DPP10: variants seen among roughly 807,000 people sequenced by gnomAD.
DPP10 encodes the protein dipeptidyl peptidase like 10, also known as inactive dipeptidyl peptidase 10.
DPP10 carries 33 observed loss-of-function variants against 120.9 expected under a neutral mutation model. The ratio of observed to expected loss-of-function variants is 0.27; its 90% CI spans 0.21 to 0.37. DPP10 has a LOEUF of 0.37. DPP10 is among the 10% of genes least tolerant of loss of function. The pLI is 1.00. For missense variants in DPP10, 816 were observed against 942.8 expected (o/e 0.87, Z 1.76); for synonymous variants, 337 against 326.1 (o/e 1.03, Z -0.36).
chr2:114,555,194 G>C (rs1688190701), intron 1 of DPP10, among the ~76,000 whole-genome samples: 2 of 152,282 alleles, frequency 1.3e-5, no homozygotes, highest in African/African-American at 2.4e-5. Flanking sequence ...ATGTGTTTCT[G>C]TGTGCAGCCC....
chr2:115,392,968 T>G (rs1025292907), intron 3 of DPP10, among the ~76,000 whole-genome samples: 3 of 152,208 alleles, frequency 2.0e-5, no homozygotes, highest in Admixed American at 6.5e-5. Flanking sequence ...ATTTGCATAT[T>G]TATATTGAAT....
rs188691234 is a variant in DPP10, at chr2:115,515,451, G to T, written c.367-10447G>T. Among the ~76,000 whole-genome samples, 245 of 152,138 alleles carry T rather than the reference G, an allele frequency of 1.6e-3. 1 individual carries two copies. Among genetic ancestry groups the T allele is most frequent in the African/African-American group, 5.2e-3 (216 of 41,540 alleles). On this transcript the variant is annotated intron_variant, in intron 4 of 25. Transcript: ENST00000410059. The stretch of plus-strand genomic sequence containing the variant: ...TTGATTTACAATGATTTAATTATGA[G>T]AGAGGTTGAGAATCATCTTTTTATA...
rs563108238 is a variant in DPP10, at chr2:114,897,834, A to G, written c.61-411405A>G. On this transcript the variant is annotated intron_variant, in intron 1 of 25. Coordinates refer to ENST00000410059, the MANE Select transcript of DPP10 (RefSeq NM_020868.6). ...CACCAGTTAGAATGGCAATCATTAAAAAGTCAGGAAACAACAGGTGCTGGA... is the reference window on the plus strand; with the variant it reads ...CACCAGTTAGAATGGCAATCATTAAGAAGTCAGGAAACAACAGGTGCTGGA... Among the ~76,000 whole-genome samples the G allele has an allele frequency of 1.5e-3, 221 of 152,212 alleles. 2 individuals carry two copies. The highest frequency in any genetic ancestry group is 5.1e-3 in the African/African-American group (210 of 41,544).
At chr2:115,206,836 C>G (rs898499292) in intron 1 of DPP10, among the ~76,000 whole-genome samples, 1 of 152,128 alleles carries the variant, frequency 6.6e-6, no homozygotes, top group Non-Finnish European at 1.5e-5. Context: ...TGCTATTTGT[C>G]CAATCTAGAT....
intron 1 of DPP10, among the ~76,000 whole-genome samples, chr2:114,869,035 A>C (rs943654210): frequency 2.6e-5 from 4 of 152,200 alleles, no homozygotes; most frequent in Non-Finnish European, 5.9e-5. Flanking sequence ...GACAGCACTC[A>C]GTAAGTGAAA....
chr2:115,385,178 A>G (rs1427671092), intron 3 of DPP10, among the ~76,000 whole-genome samples: 1 of 151,652 alleles, frequency 6.6e-6, no homozygotes, highest in Non-Finnish European at 1.5e-5. Flanking sequence ...CACTTTCTCC[A>G]TTTTCTTGTC....
chr2:114,524,707 G>A (rs1310891359), intron 1 of DPP10, among the ~76,000 whole-genome samples: 1 of 152,148 alleles, frequency 6.6e-6, no homozygotes, highest in African/African-American at 2.4e-5. Context: ...GATTTTAGAG[G>A]AAGAGGTGAA....
chr2:115,159,335 G>A lies in DPP10; in HGVS notation c.61-149904G>A, dbSNP rs1008522718. Among the ~76,000 whole-genome samples, 7 of 152,262 alleles carry A rather than the reference G, an allele frequency of 4.6e-5. No homozygotes were observed. In the South Asian group the frequency reaches 1.5e-3, roughly 32 times the overall value. ...TAGCTTGGTGTGGTGGCGCGCGCCT[G>A]TAGTCCCAGCTACTTGGGAGGCTGA... On this transcript the variant is annotated intron_variant, in intron 1 of 25. Coordinates refer to ENST00000410059, the MANE Select transcript of DPP10 (RefSeq NM_020868.6).
At chr2:114,570,523 A>G (rs1035775131) in intron 1 of DPP10, among the ~76,000 whole-genome samples, 1 of 152,170 alleles carries the variant, frequency 6.6e-6, no homozygotes, top group Non-Finnish European at 1.5e-5. Flanking sequence ...TGAAATTATG[A>G]TATGAAAAGT....
chr2:115,822,527 A>G (rs753212919), intron 21 of DPP10, among the ~76,000 whole-genome samples: 12 of 152,168 alleles, frequency 7.9e-5, no homozygotes, highest in Admixed American at 6.5e-4. Flanking sequence ...TATCAAATCT[A>G]TAAATCACCT....
chr2:115,262,073 C>A (rs1224053329), intron 1 of DPP10, among the ~76,000 whole-genome samples: 4 of 152,222 alleles, frequency 2.6e-5, no homozygotes, highest in Non-Finnish European at 5.9e-5. Flanking sequence ...CTACCACATA[C>A]AAATTGCTTT....
At chr2:114,946,823 C>T (rs369875523) in intron 1 of DPP10, among the ~76,000 whole-genome samples, 4 of 151,500 alleles carry the variant, frequency 2.6e-5, no homozygotes, top group Non-Finnish European at 4.4e-5. Flanking sequence ...GGGATGTGTT[C>T]CTTTCTTTCT....
At chr2:114,565,650 T>C (rs2104974696) in intron 1 of DPP10, among the ~76,000 whole-genome samples, 1 of 152,360 alleles carries the variant, frequency 6.6e-6, no homozygotes, top group South Asian at 2.1e-4. Flanking sequence ...TCTGTCCTGG[T>C]GTGGACCTCT....
At chr2:114,494,121 A>AAAAAC (rs1553450295) in intron 1 of DPP10, among the ~76,000 whole-genome samples, 51 of 147,510 alleles carry the variant, frequency 3.5e-4, no homozygotes, top group African/African-American at 1.2e-3. Context: ...AAAAAAAAAA[A>AAAAAC]CCCAGCAAAT....
At chr2:114,703,971 G>GTT (rs1700535875) in intron 1 of DPP10, among the ~76,000 whole-genome samples, 1 of 152,034 alleles carries the variant, frequency 6.6e-6, no homozygotes, top group Admixed American at 6.6e-5. Flanking sequence ...AGGGATTTGG[G>GTT]CCTTTTTCCT....
chr2:115,145,640 G>A lies in DPP10; in HGVS notation c.61-163599G>A, dbSNP rs923989296. On this transcript the variant is annotated intron_variant, in intron 1 of 25. Coordinates refer to ENST00000410059, the MANE Select transcript of DPP10 (RefSeq NM_020868.6). The stretch of plus-strand genomic sequence containing the variant: ...TGTGCAGGTTTTTATGTGGACATAC[G>A]TTTTTAATTTATTTGGATAAACACC... Among the ~76,000 whole-genome samples, 13 of 152,100 alleles carry A rather than the reference G, an allele frequency of 8.5e-5. No homozygotes were observed. The South Asian group carries it at 1.0e-3, about 12-fold the overall frequency.
At chr2:115,129,721 G>C (rs1221574158) in intron 1 of DPP10, among the ~76,000 whole-genome samples, 1 of 152,116 alleles carries the variant, frequency 6.6e-6, no homozygotes, top group Non-Finnish European at 1.5e-5. Flanking sequence ...ACTGTTCTCT[G>C]TGTCCTTACT....
intron 1 of DPP10, among the ~76,000 whole-genome samples, chr2:114,623,062 A>C (rs1694219373): frequency 6.6e-6 from 1 of 152,050 alleles, no homozygotes; most frequent in Non-Finnish European, 1.5e-5. Flanking sequence ...GTAAGGCTAA[A>C]GTGAAGTAGA....
Position 115,200,468 on chromosome 2 carries a change from A to G in DPP10, c.61-108771A>G, listed in dbSNP as rs532401601. ...AGATTAAAAATGAAGGTTAAGTACCAACAAAGGAAGCTCCGTTCAGGAAAA... is the reference window on the plus strand; with the variant it reads ...AGATTAAAAATGAAGGTTAAGTACCGACAAAGGAAGCTCCGTTCAGGAAAA... On this transcript the variant is annotated intron_variant, in intron 1 of 25. Transcript: ENST00000410059. 6.6e-5 allele frequency among the ~76,000 whole-genome samples: 10 copies of G among 152,340 alleles called. 1 individual carries two copies. The South Asian group carries it at 2.1e-3, about 32-fold the overall frequency.
Sources: allele counts gnomAD v4.1 joint callset (sites outside exome capture counted in the v4.1 genomes callset), GRCh38; gene constraint gnomAD v4.1.1; transcripts MANE v1.5; gene names NCBI Gene and HGNC (gene_info 2026-07-23, HGNC 2026-07-21).